Variants in LRPPRC observed in about 807,000 individuals in gnomAD.
The protein encoded by LRPPRC is leucine-rich PPR motif-containing protein, mitochondrial.
Under a neutral mutation model 180.3 loss-of-function variants are expected in LRPPRC, and 120 were observed. The ratio of observed to expected loss-of-function variants is 0.67; its 90% CI spans 0.57 to 0.77. The LOEUF (loss-of-function observed/expected upper bound fraction) is 0.77. Among genes scored for constraint, LRPPRC ranks in the 30% least tolerant of loss-of-function variants. LRPPRC has a pLI of 0.00. For synonymous variants in LRPPRC, 723 were observed against 600.0 expected (o/e 1.21, Z -3.00); for missense variants, 2,012 against 1,657.2 (o/e 1.21, Z -3.72).
chr2:43,973,853 C>G lies in LRPPRC; in HGVS notation c.1203G>C (p.Gln401His). The G allele has an allele frequency of 6.2e-7, 1 of 1,613,828 alleles. No homozygotes were observed. The change falls in exon 10 of 38, where the codon CAG (glutamine) becomes CAC (histidine). Residue 401 changes from glutamine to histidine, a missense_variant. Transcript: ENST00000260665. The part of the protein sequence containing the change: ...TDYCKKLKEV[Q>H]MHSFPLQFTL... ...TGAACTGCAGAGGAAAGGAGTGCAT[C>G]TGGACTTCCTTTAACTTCTTACAGT...
intron 1 of LRPPRC, among the ~76,000 whole-genome samples, chr2:43,982,641 C>CAGT (rs1378456087): frequency 6.6e-6 from 1 of 152,138 alleles, no homozygotes; most frequent in African/African-American, 2.4e-5. Flanking sequence ...ACTATATGCA[C>CAGT]AGTAAATCTC....
rs1572887292 is a variant in LRPPRC at position 43,893,311 on chromosome 2, GAA to G, written c.3985+1232_3985+1233del. On this transcript the variant is annotated intron_variant, in intron 36 of 37. Coordinates refer to ENST00000260665, the MANE Select transcript of LRPPRC (RefSeq NM_133259.4). Reference sequence around the variant, plus strand: ...GTTTGAGAAGATTGATTCCAATTTTGAAAAGACATTCAATTGCAGATAAAATG... The same window carrying G: ...GTTTGAGAAGATTGATTCCAATTTTGAAGACATTCAATTGCAGATAAAATG... Among the ~76,000 whole-genome samples the G allele has an allele frequency of 2.0e-5, 3 of 152,294 alleles. No homozygotes were observed. In the East Asian group the frequency reaches 5.8e-4, roughly 29 times the overall value.
At chr2:43,896,597 C>T (rs1670695515) in intron 35 of LRPPRC, 37 bp downstream of exon 35, 5 of 1,241,646 alleles carry the variant, frequency 4.0e-6, no homozygotes, top group Non-Finnish European at 5.9e-6. Flanking sequence ...AAGGCACGTA[C>T]AGTATCATTG....
chr2:43,973,872 T>C lies in LRPPRC; in HGVS notation c.1184A>G (p.Lys395Arg), dbSNP rs781185542. 7 of 1,612,616 alleles carry C rather than the reference T, an allele frequency of 4.3e-6. No individual in the cohort carries two copies. In the Admixed American group the frequency reaches 1.2e-4, roughly 27 times the overall value. The change falls in exon 10 of 38, where the codon AAG becomes AGG. Residue 395 changes from lysine (K) to arginine (R), a missense_variant. By Grantham distance (26) the Lys-to-Arg change is conservative. Coordinates refer to ENST00000260665, the MANE Select transcript of LRPPRC (RefSeq NM_133259.4). ...GTGCATCTGGACTTCCTTTAACTTC[T>C]TACAGTAGTCTGTTAGCTTCTCCAC... ...TPVEKLTDYC[K>R]KLKEVQMHSF...
intron 25 of LRPPRC, 134 bp downstream of exon 25, chr2:43,934,055 TC>T: frequency 1.6e-6 from 1 of 636,382 alleles, no homozygotes; most frequent in South Asian, 1.9e-5. Context: ...GAGATCCCCC[TC>T]CCCCAACATT....
In LRPPRC at chr2:43,950,506, C is replaced by G. The variant is rs143374182; in HGVS notation, c.1677+67G>C. 1,088 of 1,343,038 alleles carry G rather than the reference C, an allele frequency of 8.1e-4. 17 individuals are homozygous for G. The African/African-American group carries it at 0.015, about 18-fold the overall frequency. 83.2% of individuals were successfully genotyped at this position (1,343,038 alleles called of 1,614,324 possible). A position where few individuals can be genotyped will look rare whatever the true frequency, so the allele number is the denominator to read the frequency against. ...ATAGGTTTCATGATAAAAATTATTACATAACCTATGGTATTGGCTTGTAAC... is the reference window on the plus strand; with the variant it reads ...ATAGGTTTCATGATAAAAATTATTAGATAACCTATGGTATTGGCTTGTAAC... On this transcript the variant is annotated intron_variant, in intron 15 of 37. Coordinates refer to ENST00000260665, the MANE Select transcript of LRPPRC (RefSeq NM_133259.4).
At chr2:43,995,701 G>T (rs544202947) in intron 1 of LRPPRC, 98 bp downstream of exon 1, 4 of 1,148,776 alleles carry the variant, frequency 3.5e-6, no homozygotes, top group Non-Finnish European at 2.3e-6. Flanking sequence ...CGGGGAGAAG[G>T]GTGGCGAGCA....
intron 21 of LRPPRC, 100 bp from the exon 22 acceptor site, chr2:43,945,517 C>T (rs1672649253): frequency 1.3e-6 from 1 of 756,594 alleles, no homozygotes; most frequent in Non-Finnish European, 2.4e-6. Flanking sequence ...CATCAGAAGA[C>T]CTGAACTAAT....
In LRPPRC at chr2:43,930,195, T is replaced by C. The variant is rs368292573; in HGVS notation, c.2736+3995A>G. ...CCACTGAGAAGAGATCAAAATGTAC[T>C]CCGGCTGCACCGTGATGGAAAGGCA... On this transcript the variant is annotated intron_variant, in intron 25 of 37. Coordinates refer to ENST00000260665, the MANE Select transcript of LRPPRC (RefSeq NM_133259.4). Among the ~76,000 whole-genome samples the C allele has an allele frequency of 2.6e-5, 4 of 151,936 alleles. No homozygotes were observed. In the East Asian group the frequency reaches 7.7e-4, roughly 29 times the overall value.
chr2:43,918,812 T>C (rs988784927), intron 27 of LRPPRC, among the ~76,000 whole-genome samples: 12 of 143,314 alleles, frequency 8.4e-5, no homozygotes, highest in African/African-American at 3.2e-4. Context: ...TATATATAGA[T>C]ATATATATAT....
At chr2:43,963,889 T>C in intron 11 of LRPPRC, 183 bp from the exon 12 acceptor site, 1 of 617,058 alleles carries the variant, frequency 1.6e-6, no homozygotes, top group South Asian at 2.0e-5. Context: ...ACTCCTCCTT[T>C]CTTCATCCCC....
At chr2:43,988,871 T>C (rs1467699457) in intron 1 of LRPPRC, among the ~76,000 whole-genome samples, 1 of 152,040 alleles carries the variant, frequency 6.6e-6, no homozygotes, top group Non-Finnish European at 1.5e-5. Context: ...ACAATATCTT[T>C]CCTTTATCTT....
At chr2:43,908,203 C>T (rs1290888147) in intron 30 of LRPPRC, among the ~76,000 whole-genome samples, 2 of 152,064 alleles carry the variant, frequency 1.3e-5, no homozygotes, top group African/African-American at 2.4e-5. Flanking sequence ...TCCTAAATTC[C>T]CTAAGAATAT....
intron 14 of LRPPRC, among the ~76,000 whole-genome samples, chr2:43,956,193 G>C (rs550926039): frequency 1.3e-5 from 2 of 152,100 alleles, no homozygotes; most frequent in Admixed American, 1.3e-4. Flanking sequence ...TAAGGAAATT[G>C]TTCTGCATTA....
At chr2:43,924,887 G>T (rs1338091317) in intron 27 of LRPPRC, among the ~76,000 whole-genome samples, 180 bp downstream of exon 27, 2 of 152,200 alleles carry the variant, frequency 1.3e-5, no homozygotes, top group Non-Finnish European at 2.9e-5. Flanking sequence ...AAGACATACA[G>T]TGTCTAGTGC....
intron 31 of LRPPRC, chr2:43,903,529 A>T (rs976216588): frequency 1.6e-5 from 2 of 126,850 alleles, no homozygotes; most frequent in African/African-American, 6.0e-5. Context: ...CTCACTGATG[A>T]TCATTTTACT....
At chr2:43,991,529 A>G (rs545267946) in intron 1 of LRPPRC, among the ~76,000 whole-genome samples, 1 of 152,340 alleles carries the variant, frequency 6.6e-6, no homozygotes, top group South Asian at 2.1e-4. Context: ...TCTGAAGTAT[A>G]CAAGTATTAT....
intron 3 of LRPPRC, 55 bp downstream of exon 3, chr2:43,979,770 CA>C (rs1559051506): frequency 6.5e-7 from 1 of 1,546,796 alleles, no homozygotes; most frequent in African/African-American, 1.4e-5. Flanking sequence ...CACTTTTTTG[CA>C]AAAAGAAAAA....
rs779250352 is a variant in LRPPRC at position 43,949,662 on chromosome 2, G to C, written c.1678-3C>G. On this transcript the variant is annotated splice_polypyrimidine_tract_variant and splice_region_variant and intron_variant, in intron 15 of 37. Transcript: ENST00000260665. ...TCCTTGTACAACAATTCTGTTATCT[G>C]GTAAGACAGAAAATTCGTGCATTGC... 3 of 1,610,696 alleles carry C rather than the reference G, an allele frequency of 1.9e-6. No homozygotes were observed. In the South Asian group the frequency reaches 3.3e-5, roughly 18 times the overall value.
Sources: allele counts gnomAD v4.1 joint callset (sites outside exome capture counted in the v4.1 genomes callset), GRCh38; gene constraint gnomAD v4.1.1; transcripts MANE v1.5; gene names NCBI Gene and HGNC (gene_info 2026-07-23, HGNC 2026-07-21).